FAM135A: variants seen among roughly 807,000 people sequenced by gnomAD.
FAM135A encodes protein FAM135A.
In FAM135A, 79 loss-of-function variants were observed where a neutral mutation model predicts 146.8. The observed-to-expected ratio is 0.54, with a 90% confidence interval of 0.45 to 0.65. The LOEUF is 0.65. FAM135A is among the 30% of genes least tolerant of loss of function. The probability of loss-of-function intolerance (pLI) is 0.00; values close to 1 mark genes in which losing one functional copy is unlikely to be tolerated. For synonymous variants in FAM135A, 562 were observed against 603.6 expected, an observed-to-expected ratio of 0.93 and a Z score of 1.01; for missense variants, 1,623 against 1,758.2, an observed-to-expected ratio of 0.92 and a Z score of 1.38.
intron 1 of FAM135A, among the ~76,000 whole-genome samples, chr6:70,414,828 A>G (rs898831893): frequency 3.9e-5 from 6 of 152,242 alleles, no homozygotes; most frequent in African/African-American, 1.4e-4. Context: ...TACAGACTAA[A>G]TGAAACTATA....
intron 12 of FAM135A, chr6:70,504,088 A>C (rs1244641027): frequency 5.3e-5 from 8 of 151,836 alleles, no homozygotes; most frequent in Non-Finnish European, 1.0e-4. Flanking sequence ...ACCAATTTTT[A>C]CTCCCACCAG....
At chr6:70,501,748 C>T (rs1052505225) in intron 11 of FAM135A, among the ~76,000 whole-genome samples, 3 of 152,064 alleles carry the variant, frequency 2.0e-5, no homozygotes, top group Admixed American at 6.6e-5. Context: ...CCTGGCTTCT[C>T]GTAACGCCCC....
chr6:70,532,271 T>C (rs954128574), intron 16 of FAM135A, among the ~76,000 whole-genome samples: 2 of 152,178 alleles, frequency 1.3e-5, no homozygotes, highest in Non-Finnish European at 2.9e-5. Context: ...TGTAAAAAAT[T>C]TTTGAAACCC....
At chr6:70,462,480 C>A (rs750950800) in intron 5 of FAM135A, among the ~76,000 whole-genome samples, 6 of 151,920 alleles carry the variant, frequency 3.9e-5, no homozygotes, top group Non-Finnish European at 7.4e-5. Flanking sequence ...ACTAATAAGA[C>A]TGAAATGGAG....
In FAM135A at chr6:70,510,130, G is replaced by A. The variant is rs138683255; in HGVS notation, c.1029+7339G>A. On this transcript the variant is annotated intron_variant, in intron 12 of 21. Coordinates refer to ENST00000418814, the MANE Select transcript of FAM135A (RefSeq NM_001162529.3). Reference sequence around the variant, plus strand: ...ACTGTAGAACACTAAGTATGCTGCCGTTGGTCTAATAGCTAGGAAATCAAA... The same window carrying A: ...ACTGTAGAACACTAAGTATGCTGCCATTGGTCTAATAGCTAGGAAATCAAA... Among the ~76,000 whole-genome samples the A allele has an allele frequency of 3.4e-4, 51 of 151,906 alleles. No individual in the cohort carries two copies. The East Asian group carries it at 7.7e-3, about 23-fold the overall frequency.
Position 70,525,560 on chromosome 6 carries a change from A to G in FAM135A, c.2476A>G (p.Ser826Gly). The G allele has an allele frequency of 1.2e-6, 2 of 1,613,458 alleles. No homozygotes were observed. The highest frequency in any genetic ancestry group is 2.2e-5 in the South Asian group (2 of 91,016). Residue 826 changes from serine (S) to glycine (G), a missense_variant, in exon 15 of 22, where the codon AGT becomes GGT. This residue lies in a region of FAM135A where 1,061 missense variants were observed against 1,113.8 expected (regional missense o/e 0.95). Coordinates refer to ENST00000418814, the MANE Select transcript of FAM135A (RefSeq NM_001162529.3). ...TTCATTAGGAAATCATTGTACTGAG[A>G]GTACAAGTGCTATAAGTGAAATACA... ...KFSLGNHCTE[S>G]TSAISEIQSS... is the part of the protein sequence containing the mutation.
At chr6:70,452,741 C>T (rs919937581) in intron 5 of FAM135A, among the ~76,000 whole-genome samples, 170 bp downstream of exon 5, 1 of 152,068 alleles carries the variant, frequency 6.6e-6, no homozygotes, top group Non-Finnish European at 1.5e-5. Context: ...ATTACAGATA[C>T]TCTGTCTCCT....
At chr6:70,524,268 T>A in intron 14 of FAM135A, 75 bp from the exon 15 acceptor site, 4 of 1,412,750 alleles carry the variant, frequency 2.8e-6, no homozygotes, top group Non-Finnish European at 3.7e-6. Context: ...AAGTTATAGT[T>A]AGAAAAAGAA....
At chr6:70,463,573 A>G (rs116324210) in intron 5 of FAM135A, among the ~76,000 whole-genome samples, 1,635 of 152,158 alleles carry the variant, frequency 0.011, 33 homozygotes, top group African/African-American at 0.037. Flanking sequence ...AGCATTTTCT[A>G]TGTACCTCTT....
rs768456762 is a variant in FAM135A, at chr6:70,525,150, T to C, written c.2066T>C (p.Val689Ala). The C allele has an allele frequency of 6.3e-6, 10 of 1,576,216 alleles. No homozygotes were observed. Among genetic ancestry groups the C allele is most frequent in the Non-Finnish European group, 8.6e-7 (1 of 1,165,490 alleles). ...WTELRQEEIL[V>A]DNLLPNFESL... ...GAGCTTCGACAAGAGGAAATACTTG[T>C]GGATAATTTACTACCCAACTTTGAG... The change falls in exon 15 of 22, where the codon GTG (valine) becomes GCG (alanine). Residue 689 changes from valine to alanine, a missense_variant. Around this residue, in one of 7 missense-constraint regions of FAM135A, gnomAD observed 1,061 missense variants for 1,113.8 expected, o/e 0.95. Coordinates refer to ENST00000418814, the MANE Select transcript of FAM135A (RefSeq NM_001162529.3).
At chr6:70,423,814 G>A (rs556054781) in intron 2 of FAM135A, among the ~76,000 whole-genome samples, 2 of 152,286 alleles carry the variant, frequency 1.3e-5, no homozygotes, top group African/African-American at 4.8e-5. Flanking sequence ...CCTCAAGGGA[G>A]ACAACCCATA....
At chr6:70,467,052 T>G (rs182141853) in intron 5 of FAM135A, among the ~76,000 whole-genome samples, 25 of 152,330 alleles carry the variant, frequency 1.6e-4, no homozygotes, top group African/African-American at 6.0e-4. Flanking sequence ...TCTTGGTTTA[T>G]TCTCTCAGTT....
At position 70,524,667 on chromosome 6, in the gene FAM135A, G is replaced by T. The variant is rs2128349342; in HGVS notation, c.1583G>T (p.Ser528Ile). 6.4e-7 allele frequency: 1 copy of T among 1,550,858 alleles called. No homozygotes were observed. The highest frequency in any genetic ancestry group is 8.7e-7 in the Non-Finnish European group (1 of 1,146,694). ...TTGGTAGGCTACAAATGTTTGAAAA[G>T]TACAGCATCAAATGATCTCATTAAA... Reference protein sequence around the residue: ...VVLVGYKCLKSTASNDLIKCF... With the variant: ...VVLVGYKCLKITASNDLIKCF... Residue 528 changes from serine (S) to isoleucine (I), a missense_variant, in exon 15 of 22, where the codon AGT (serine) becomes ATT (isoleucine). Physicochemically the swap from Ser to Ile is moderately radical, Grantham distance 142 (BLOSUM62 -2). Around this residue, in one of 7 missense-constraint regions of FAM135A, gnomAD observed 1,061 missense variants for 1,113.8 expected, o/e 0.95. Transcript: ENST00000418814.
In FAM135A at chr6:70,418,016, G is replaced by A. The variant is rs1218847776; in HGVS notation, c.-134+2640G>A. 4.6e-5 allele frequency among the ~76,000 whole-genome samples: 7 copies of A among 152,112 alleles called. No individual in the cohort carries two copies. In the East Asian group the frequency reaches 1.3e-3, roughly 29 times the overall value. ...TCTCCACCAAAGAGAAAAAATTAGT[G>A]TTCTATTTTTTTCTTAAGTATTTCT... On this transcript the variant is annotated intron_variant, in intron 2 of 21. Coordinates refer to ENST00000418814, the MANE Select transcript of FAM135A (RefSeq NM_001162529.3).
chr6:70,559,681 T>A, intron 21 of FAM135A, 35 bp from the exon 22 acceptor site: 3 of 1,537,550 alleles, frequency 2.0e-6, no homozygotes, highest in Non-Finnish European at 2.7e-6. Flanking sequence ...GTTACTATTG[T>A]GAACTAATTT....
intron 20 of FAM135A, among the ~76,000 whole-genome samples, chr6:70,554,610 ATTTGGTTTTGGGGGGTTTT>A (rs977313060): frequency 2.0e-5 from 3 of 151,994 alleles, no homozygotes; most frequent in African/African-American, 7.2e-5. Context: ...AGGTTCATTT[ATTTGGTTTTGGGGGGTTTT>A]TTTGGTTTTT....
At chr6:70,441,101 G>A (rs557231014) in intron 4 of FAM135A, among the ~76,000 whole-genome samples, 1 of 152,162 alleles carries the variant, frequency 6.6e-6, no homozygotes, top group African/African-American at 2.4e-5. Context: ...TGATAATATT[G>A]TGTCACTATC....
intron 11 of FAM135A, among the ~76,000 whole-genome samples, chr6:70,491,626 G>A (rs927564769): frequency 1.5e-4 from 23 of 151,878 alleles, no homozygotes; most frequent in African/African-American, 5.6e-4. Flanking sequence ...ACAAAAATAT[G>A]TATTTGGTTT....
chr6:70,468,634 AC>A (rs1780949792), intron 5 of FAM135A, among the ~76,000 whole-genome samples: 1 of 152,180 alleles, frequency 6.6e-6, no homozygotes, highest in East Asian at 1.9e-4. Context: ...ACTGTGGCAG[AC>A]TAGCTTGTTA....
Sources: allele counts gnomAD v4.1 joint callset (sites outside exome capture counted in the v4.1 genomes callset), GRCh38; gene constraint gnomAD v4.1.1; regional missense constraint gnomAD v4.1.1; transcripts MANE v1.5; gene names NCBI Gene and HGNC (gene_info 2026-07-23, HGNC 2026-07-21).